Variants in CSMD1 observed in about 807,000 individuals in gnomAD.
The protein encoded by CSMD1 is CUB and Sushi multiple domains 1.
Under a neutral mutation model 417.5 loss-of-function variants are expected in CSMD1, and 213 were observed. The observed-to-expected ratio is 0.51, with a 90% CI of 0.46 to 0.57. The LOEUF is 0.57. Among genes scored for constraint, CSMD1 ranks in the 20% least tolerant of loss-of-function variants. The pLI, the probability that CSMD1 is intolerant of heterozygous loss-of-function variation, is 0.00. For synonymous variants in CSMD1, 2,862 were observed against 1,736.8 expected (o/e 1.65, Z -16.11); for missense variants, 6,923 against 4,529.7 (o/e 1.53, Z -15.17).
rs181424845 is a variant in CSMD1 at position 3,240,910 on chromosome 8, C to A, written c.4154-10679G>T. Among the ~76,000 whole-genome samples the A allele has an allele frequency of 1.7e-4, 26 of 151,930 alleles. No homozygotes were observed. In the East Asian group the frequency reaches 4.3e-3, roughly 25 times the overall value. On this transcript the variant is annotated intron_variant, in intron 26 of 69. Coordinates refer to ENST00000635120, the MANE Select transcript of CSMD1 (RefSeq NM_033225.6). ...CTTTAAGAGGTCATGCTGTAGCAGGCAAGTGATAACAGGCTTTAATCCTTT... is the reference window on the plus strand; with the variant it reads ...CTTTAAGAGGTCATGCTGTAGCAGGAAAGTGATAACAGGCTTTAATCCTTT...
rs28620597 is a variant in CSMD1 at position 4,919,758 on chromosome 8, C to T, written c.85+74574G>A. ...AGCTGGGCCTAGAATAAGTGATTAG[C>T]CTGTGATGGCTGCTCTTTTGTGATT... On this transcript the variant is annotated intron_variant, in intron 1 of 69. Coordinates refer to ENST00000635120, the MANE Select transcript of CSMD1 (RefSeq NM_033225.6). Among the ~76,000 whole-genome samples, 834 of 152,262 alleles carry T rather than the reference C, an allele frequency of 5.5e-3. 5 individuals carry two copies. The highest frequency in any genetic ancestry group is 0.019 in the African/African-American group (779 of 41,540).
At chr8:3,413,518 C>G (rs1414280281) in intron 12 of CSMD1, among the ~76,000 whole-genome samples, 6 of 152,116 alleles carry the variant, frequency 3.9e-5, no homozygotes, top group South Asian at 4.2e-4. Flanking sequence ...TAGCACGGTC[C>G]AAACTCAGTA....
At chr8:4,098,481 G>C (rs867657473) in intron 3 of CSMD1, among the ~76,000 whole-genome samples, 8 of 151,962 alleles carry the variant, frequency 5.3e-5, no homozygotes, top group African/African-American at 1.2e-4. Flanking sequence ...AAGTTGTCTA[G>C]CTCCTGTGTT....
At chr8:4,662,029 A>C (rs1002642425) in intron 1 of CSMD1, among the ~76,000 whole-genome samples, 1 of 152,194 alleles carries the variant, frequency 6.6e-6, no homozygotes, top group Non-Finnish European at 1.5e-5. Context: ...TATCATGGAC[A>C]TACACAGGTC....
intron 1 of CSMD1, among the ~76,000 whole-genome samples, chr8:4,830,986 G>A (rs986839025): frequency 2.6e-5 from 4 of 152,180 alleles, no homozygotes; most frequent in East Asian, 1.9e-4. Flanking sequence ...GAGGCATTTA[G>A]AGGCCCTTCA....
intron 1 of CSMD1, among the ~76,000 whole-genome samples, chr8:4,918,625 A>G (rs1806228254): frequency 1.3e-5 from 2 of 152,228 alleles, no homozygotes; most frequent in South Asian, 4.1e-4. Flanking sequence ...GAATCACGTT[A>G]CTTCAGATTG....
intron 2 of CSMD1, among the ~76,000 whole-genome samples, chr8:4,549,027 T>C (rs1284643628): frequency 6.6e-6 from 1 of 152,238 alleles, no homozygotes. Flanking sequence ...TAATTAAGTA[T>C]ATTTTGTTGA....
intron 5 of CSMD1, among the ~76,000 whole-genome samples, chr8:3,841,803 C>A (rs1050987552): frequency 6.6e-6 from 1 of 151,566 alleles, no homozygotes; most frequent in Non-Finnish European, 1.5e-5. Context: ...TGCAAATCAG[C>A]CCATGATCTG....
chr8:4,404,009 A>C (rs1219402651), intron 3 of CSMD1, among the ~76,000 whole-genome samples: 1 of 152,004 alleles, frequency 6.6e-6, no homozygotes, highest in Non-Finnish European at 1.5e-5. Flanking sequence ...CAATTAGCAA[A>C]CTCGATTGGT....
At chr8:3,678,769 G>T (rs926766484) in intron 7 of CSMD1, among the ~76,000 whole-genome samples, 3 of 152,132 alleles carry the variant, frequency 2.0e-5, no homozygotes, top group Non-Finnish European at 4.4e-5. Flanking sequence ...AGGAAAAAAT[G>T]TTAAGTGCAG....
At chr8:4,741,486 ATAT>A (rs1810601642) in intron 1 of CSMD1, among the ~76,000 whole-genome samples, 1 of 152,214 alleles carries the variant, frequency 6.6e-6, no homozygotes, top group Admixed American at 6.5e-5. Flanking sequence ...ACATACACAA[ATAT>A]TATAGTAGAA....
At chr8:3,983,325 T>A (rs995629927) in intron 5 of CSMD1, among the ~76,000 whole-genome samples, 3 of 151,822 alleles carry the variant, frequency 2.0e-5, no homozygotes, top group Non-Finnish European at 4.4e-5. Flanking sequence ...AGAGATGGGG[T>A]TTCACCGTGT....
chr8:4,152,431 C>T (rs191949987), intron 3 of CSMD1, among the ~76,000 whole-genome samples: 26 of 151,730 alleles, frequency 1.7e-4, no homozygotes, highest in Middle Eastern at 3.4e-3. Context: ...GTAATCCCAG[C>T]AATTTGGCCA....
intron 2 of CSMD1, among the ~76,000 whole-genome samples, chr8:4,579,473 C>A (rs555871059): frequency 6.6e-6 from 1 of 151,940 alleles, no homozygotes; most frequent in East Asian, 1.9e-4. Flanking sequence ...ATTCTCCTGC[C>A]TCCCTTAGCC....
At position 4,681,698 on chromosome 8, in the gene CSMD1, G is replaced by T. The variant is rs116502607; in HGVS notation, c.86-44140C>A. Among the ~76,000 whole-genome samples the T allele has an allele frequency of 5.0e-3, 761 of 152,006 alleles. 9 individuals are homozygous for T. Among genetic ancestry groups the T allele is most frequent in the African/African-American group, 0.018 (737 of 41,436 alleles). ...CCCTTTTCCTCATACAAAATAACCC[G>T]ACTTTAAGGCAGAATTAACAAAAAA... On this transcript the variant is annotated intron_variant, in intron 1 of 69. Transcript: ENST00000635120.
intron 3 of CSMD1, among the ~76,000 whole-genome samples, chr8:4,338,966 A>T (rs901939236): frequency 6.6e-6 from 1 of 152,122 alleles, no homozygotes; most frequent in Non-Finnish European, 1.5e-5. Flanking sequence ...CTGGGCATAC[A>T]GTCAATGATC....
At chr8:3,892,034 A>T (rs1273244184) in intron 5 of CSMD1, among the ~76,000 whole-genome samples, 1 of 152,186 alleles carries the variant, frequency 6.6e-6, no homozygotes, top group Non-Finnish European at 1.5e-5. Flanking sequence ...ACAAAAAAAA[A>T]AAAAATTAAG....
At chr8:3,339,703 C>T (rs952488205) in intron 23 of CSMD1, among the ~76,000 whole-genome samples, 2 of 152,152 alleles carry the variant, frequency 1.3e-5, no homozygotes, top group African/African-American at 2.4e-5. Context: ...CCCTCAGTGT[C>T]ACCAGGGAAT....
At chr8:3,912,872 G>T (rs114552220) in intron 5 of CSMD1, among the ~76,000 whole-genome samples, 76 of 152,296 alleles carry the variant, frequency 5.0e-4, no homozygotes, top group African/African-American at 1.5e-3. Flanking sequence ...AGTAGTGATG[G>T]TGATGTAAGA....
Sources: gnomAD v4.1 joint callset for allele counts (sites outside exome capture counted in the v4.1 genomes callset) on GRCh38, gnomAD v4.1.1 for gene constraint, MANE v1.5 for transcripts, NCBI Gene and HGNC (gene_info 2026-07-23, HGNC 2026-07-21) for gene names.